Variants in GNA12 observed in about 807,000 individuals in gnomAD.
GNA12 encodes the protein guanine nucleotide-binding protein subunit alpha-12.
Under a neutral mutation model 26.0 loss-of-function variants are expected in GNA12, and 9 were observed. The observed-to-expected ratio is 0.35, with a 90% CI of 0.21 to 0.60. The LOEUF is 0.60. Ranked by LOEUF, GNA12 falls within the 20% of genes least tolerant of loss-of-function variation. The pLI is 0.78. For synonymous variants in GNA12, 264 were observed against 219.6 expected, an observed-to-expected ratio of 1.20 and a Z score of -1.79; for missense variants, 405 against 525.8, an observed-to-expected ratio of 0.77 and a Z score of 2.25.
chr7:2,734,424 G>A (rs1790054522), intron 2 of GNA12, among the ~76,000 whole-genome samples: 3 of 152,228 alleles, frequency 2.0e-5, no homozygotes, highest in Admixed American at 2.0e-4. Flanking sequence ...CAGGGCTTGT[G>A]GGAAGAGCAG....
intron 1 of GNA12, among the ~76,000 whole-genome samples, chr7:2,795,644 AAGAAAAAAG>A (rs1158780908): frequency 2.2e-3 from 336 of 151,374 alleles, no homozygotes; most frequent in African/African-American, 7.4e-3. Context: ...AAAAAAAGAA[AAGAAAAAAG>A]AAAAAAAAGA....
chr7:2,840,629 C>T (rs899635957), intron 1 of GNA12, among the ~76,000 whole-genome samples: 1 of 152,200 alleles, frequency 6.6e-6, no homozygotes, highest in Non-Finnish European at 1.5e-5. Flanking sequence ...GAGGCTGAGG[C>T]AGGTGGTTCG....
chr7:2,746,419 C>G (rs1239009549), intron 2 of GNA12, among the ~76,000 whole-genome samples: 3 of 152,184 alleles, frequency 2.0e-5, no homozygotes, highest in Non-Finnish European at 4.4e-5. Context: ...TAAATGACTA[C>G]TGGGTACATA....
chr7:2,825,960 T>C (rs1793475670), intron 1 of GNA12, among the ~76,000 whole-genome samples: 1 of 152,018 alleles, frequency 6.6e-6, no homozygotes, highest in African/African-American at 2.4e-5. Flanking sequence ...CCTCACCTCT[T>C]AGGGCGGCTA....
rs193138366 is a variant in GNA12 at position 2,771,711 on chromosome 7, C to T, written c.525+23217G>A. ...TCATCCATCTGCTTGTTGATGGCCA[C>T]GTTCCCAATGTTCAGCTGCCATAAA... On this transcript the variant is annotated intron_variant, in intron 2 of 3. Transcript: ENST00000275364. 1.4e-3 allele frequency among the ~76,000 whole-genome samples: 206 copies of T among 152,244 alleles called. 2 individuals carry two copies. The highest frequency in any genetic ancestry group is 4.5e-3 in the African/African-American group (187 of 41,536).
chr7:2,780,329 C>T (rs1792196753), intron 2 of GNA12, among the ~76,000 whole-genome samples: 1 of 151,822 alleles, frequency 6.6e-6, no homozygotes, highest in Non-Finnish European at 1.5e-5. Flanking sequence ...AATAAACATC[C>T]TTGCAAATAA....
intron 1 of GNA12, among the ~76,000 whole-genome samples, chr7:2,819,178 AG>A (rs941759402): frequency 1.8e-4 from 28 of 152,150 alleles, no homozygotes; most frequent in African/African-American, 6.3e-4. Flanking sequence ...GCAAGACTGG[AG>A]GGAGGCCTCC....
chr7:2,804,833 A>G (rs1792904137), intron 1 of GNA12, among the ~76,000 whole-genome samples: 1 of 151,890 alleles, frequency 6.6e-6, no homozygotes, highest in South Asian at 2.1e-4. Flanking sequence ...CCGAGGCGGG[A>G]GGATCTGTTG....
chr7:2,746,510 T>G (rs1790770575), intron 2 of GNA12, among the ~76,000 whole-genome samples: 1 of 151,736 alleles, frequency 6.6e-6, no homozygotes, highest in Non-Finnish European at 1.5e-5. Flanking sequence ...CTGGGACACA[T>G]TCAAAGCAGT....
Position 2,731,730 on chromosome 7 carries a change from T to C in GNA12, c.597A>G (p.Gln199=). The part of the protein sequence containing the change: ...IGQLNYFPSK[Q]DILLARKATK... ...TGGCTTTCCTAGCCAGCAGGATATC[T>C]TGCTTACTAGGAAAGTAATTCTGTA... Residue 199 remains glutamine (Q), a synonymous_variant, in exon 4 of 4, where the codon CAA becomes CAG. Transcript: ENST00000275364. The surrounding 1 kb of genome is among the most constrained non-coding windows in gnomAD (Gnocchi z 6.0). 2 of 1,541,212 alleles carry C rather than the reference T, an allele frequency of 1.3e-6. No homozygotes were observed. The highest frequency in any genetic ancestry group is 1.2e-5 in the South Asian group (1 of 81,686).
At position 2,745,908 on chromosome 7, in the gene GNA12, C is replaced by G. The variant is rs544014364; in HGVS notation, c.526-12407G>C. On this transcript the variant is annotated intron_variant, in intron 2 of 3. Transcript: ENST00000275364. ...AAACAGACTTTAAACCAACAAAGATCAAAAGAGACAAAGAAGGCCATTACA... is the reference window on the plus strand; with the variant it reads ...AAACAGACTTTAAACCAACAAAGATGAAAAGAGACAAAGAAGGCCATTACA... 3.3e-5 allele frequency among the ~76,000 whole-genome samples: 5 copies of G among 152,168 alleles called. No homozygotes were observed. The East Asian group carries it at 9.6e-4, about 29-fold the overall frequency.
At chr7:2,748,933 G>A (rs1386077156) in intron 2 of GNA12, among the ~76,000 whole-genome samples, 2 of 152,234 alleles carry the variant, frequency 1.3e-5, no homozygotes, top group South Asian at 4.1e-4. Flanking sequence ...CTGGCCATCA[G>A]AGAAATGCAA....
chr7:2,742,597 C>A (rs149847001), intron 2 of GNA12, among the ~76,000 whole-genome samples: 66 of 152,240 alleles, frequency 4.3e-4, no homozygotes, highest in African/African-American at 1.5e-3. Context: ...TGAGTCTCGC[C>A]GGCCCTTTGC....
chr7:2,824,909 C>T (rs186062627), intron 1 of GNA12, among the ~76,000 whole-genome samples: 26 of 152,332 alleles, frequency 1.7e-4, no homozygotes, highest in African/African-American at 6.3e-4. Context: ...CAGGTGACCA[C>T]AGGCACAGGA....
chr7:2,825,702 G>C (rs1312532577), intron 1 of GNA12, among the ~76,000 whole-genome samples: 1 of 152,170 alleles, frequency 6.6e-6, no homozygotes, highest in Non-Finnish European at 1.5e-5. Context: ...CTGAGAAAAC[G>C]TGTGCTGGCG....
intron 1 of GNA12, among the ~76,000 whole-genome samples, chr7:2,802,436 A>G (rs1197485386): frequency 6.6e-6 from 1 of 151,508 alleles, no homozygotes; most frequent in Non-Finnish European, 1.5e-5. Context: ...GATGAAGACC[A>G]AAAACTGCAA....
chr7:2,769,907 G>C (rs888353371), intron 2 of GNA12, among the ~76,000 whole-genome samples: 1 of 152,128 alleles, frequency 6.6e-6, no homozygotes. Context: ...TGGGTGAAAA[G>C]TGATATGTCA....
At chr7:2,738,267 AGAGT>A (rs1243297156) in intron 2 of GNA12, among the ~76,000 whole-genome samples, 5 of 150,132 alleles carry the variant, frequency 3.3e-5, no homozygotes, top group Non-Finnish European at 7.4e-5. Flanking sequence ...ATACAAAAAC[AGAGT>A]GAGGCTCCAT....
In GNA12 at chr7:2,835,641, G is replaced by C. The variant is rs1583318147; in HGVS notation, c.309+8212C>G. 21 of 856,596 alleles carry C rather than the reference G, an allele frequency of 2.5e-5. No homozygotes were observed. In the East Asian group the frequency reaches 5.2e-4, roughly 21 times the overall value. The allele number at this position is 856,596 out of a possible 1,614,324, so 53.1% of individuals were successfully genotyped here. On this transcript the variant is annotated intron_variant, in intron 1 of 3. Coordinates refer to ENST00000275364, the MANE Select transcript of GNA12 (RefSeq NM_007353.3). ...CCGAGATGGTGGCCACCATGAAGAA[G>C]ACGGCTGCAGAAGATGTCAATGTTA... is the stretch of plus-strand genomic sequence containing the variant.
Sources: gnomAD v4.1 joint callset for allele counts (sites outside exome capture counted in the v4.1 genomes callset) on GRCh38, gnomAD v4.1.1 for gene constraint, Gnocchi (gnomAD v3.1) non-coding constraint, MANE v1.5 for transcripts, NCBI Gene and HGNC (gene_info 2026-07-23, HGNC 2026-07-21) for gene names.